TCF25: variants seen among roughly 807,000 people sequenced by gnomAD.
The protein encoded by TCF25 is ribosome quality control complex subunit TCF25.
A neutral mutation model predicts 83.1 loss-of-function variants in TCF25; 41 were observed. The ratio of observed to expected loss-of-function variants is 0.49; its 90% CI spans 0.38 to 0.64. The LOEUF (loss-of-function observed/expected upper bound fraction) is 0.64, where lower values mean the gene tolerates loss of function less well. TCF25 is among the 30% of genes least tolerant of loss of function. The pLI is 0.00. For missense variants in TCF25, 979 were observed against 914.5 expected, an observed-to-expected ratio of 1.07 and a Z score of -0.91; for synonymous variants, 458 against 365.0, an observed-to-expected ratio of 1.25 and a Z score of -2.90.
intron 7 of TCF25, 63 bp from the exon 8 acceptor site, chr16:89,894,975 C>A: frequency 6.8e-7 from 1 of 1,468,662 alleles, no homozygotes; most frequent in Non-Finnish European, 9.4e-7. Flanking sequence ...GAAAAAAAGG[C>A]ATGCCTGGGA....
At chr16:89,876,318 C>T (rs1345338986) in intron 1 of TCF25, among the ~76,000 whole-genome samples, 2 of 152,204 alleles carry the variant, frequency 1.3e-5, no homozygotes, top group Non-Finnish European at 1.5e-5. Context: ...TATTGGCATT[C>T]TGTTAAATAG....
Position 89,907,250 on chromosome 16 carries a change from C to T in TCF25, c.1727C>T (p.Thr576Ile), listed in dbSNP as rs1233047306. ...EAVAALPPDV[T>I]TQSVMGFDPL... ...TTATGTCCCTTTCTGAAGGACGTGA[C>T]CACGCAGTCTGTGATGGGGTTTGAT... is the stretch of plus-strand genomic sequence containing the variant. The change falls in exon 16 of 18, where the codon ACC (threonine) becomes ATC (isoleucine). Residue 576 changes from threonine (T) to isoleucine (I), a missense_variant. Physicochemically the swap from Thr to Ile is moderately conservative, Grantham distance 89 (BLOSUM62 -1). Transcript: ENST00000263346. 7.4e-6 allele frequency: 12 copies of T among 1,612,744 alleles called. No individual in the cohort carries two copies. The highest frequency in any genetic ancestry group is 1.0e-5 in the Non-Finnish European group (12 of 1,179,366).
Position 89,910,632 on chromosome 16 carries a change from TC to T in TCF25, c.1843del (p.Arg615GlyfsTer22). ...CATGGAAACACCATTGCTCTCTTCT[TC>T]CGGTCACTGTTGCCAAACTATACCA... ...ISHGNTIALF[F>X]RSLLPNYTME... On this transcript the variant is annotated frameshift_variant, in exon 17 of 18. Coordinates refer to ENST00000263346, the MANE Select transcript of TCF25 (RefSeq NM_014972.3). LOFTEE classifies it high-confidence loss of function. The T allele has an allele frequency of 6.2e-7, 1 of 1,613,702 alleles. No individual in the cohort carries two copies. The highest frequency in any genetic ancestry group is 8.5e-7 in the Non-Finnish European group (1 of 1,179,976).
At chr16:89,887,622 GT>G (rs749244446) in intron 4 of TCF25, 29 bp from the exon 5 acceptor site, 17 of 1,559,444 alleles carry the variant, frequency 1.1e-5, no homozygotes, top group African/African-American at 9.7e-5. Context: ...ATAATTTCAT[GT>G]TTTTTTTCTA....
In TCF25 at chr16:89,883,734, C is replaced by T. The variant is rs543345133; in HGVS notation, c.354+222C>T. 7.3e-6 allele frequency: 4 copies of T among 551,598 alleles called. No homozygotes were observed. The South Asian group carries it at 8.6e-5, about 12-fold the overall frequency. 34.2% of individuals were successfully genotyped at this position (551,598 alleles called of 1,614,324 possible). ...TCCTGCATCTCAGGAGAGTCTGCGC[C>T]TGCCCAGCAGTGTATGTAACCGCAC... On this transcript the variant is annotated intron_variant, in intron 2 of 17. Transcript: ENST00000263346.
intron 4 of TCF25, 28 bp downstream of exon 4, chr16:89,885,994 G>C (rs1476243470): frequency 1.9e-6 from 3 of 1,589,470 alleles, no homozygotes; most frequent in South Asian, 1.1e-5. Context: ...CTCTGCGGCT[G>C]CCCTTCTCTG....
intron 13 of TCF25, chr16:89,904,654 G>A (rs1309555185): frequency 1.1e-5 from 6 of 559,120 alleles, no homozygotes; most frequent in South Asian, 1.9e-5. Flanking sequence ...GCCCTCCAGG[G>A]CTCGCCCTGT....
chr16:89,906,248 C>T lies in TCF25; in HGVS notation c.1683C>T (p.Leu561=), dbSNP rs2044769984. The change falls in exon 15 of 18, where the codon CTC becomes CTT. Residue 561 remains leucine (L), a synonymous_variant. Coordinates refer to ENST00000263346, the MANE Select transcript of TCF25 (RefSeq NM_014972.3). ...APRNIHRHVI[L]SEIKEAVAAL... ...GGAATATCCACCGCCATGTGATCCT[C>T]TCTGAGATCAAGGAAGCCGTCGCTG... The T allele has an allele frequency of 7.4e-6, 12 of 1,613,418 alleles. No homozygotes were observed. In the East Asian group the frequency reaches 1.1e-4, roughly 15 times the overall value.
At chr16:89,902,789 AG>A (rs1343842239) in intron 12 of TCF25, among the ~76,000 whole-genome samples, 2 of 151,626 alleles carry the variant, frequency 1.3e-5, no homozygotes, top group African/African-American at 4.8e-5. Context: ...AGGGGCGGTG[AG>A]GGGTGAGGGT....
intron 13 of TCF25, 90 bp from the exon 14 acceptor site, chr16:89,904,845 ACCC>A (rs763285116): frequency 6.8e-7 from 1 of 1,466,304 alleles, no homozygotes; most frequent in East Asian, 2.5e-5. Flanking sequence ...CACTCCCTGG[ACCC>A]CCCGTCTGCC....
Position 89,910,985 on chromosome 16 carries a change from G to A in TCF25, c.1873-95G>A, listed in dbSNP as rs547890032. 3.7e-5 allele frequency: 56 copies of A among 1,531,288 alleles called. No individual in the cohort carries two copies. The African/African-American group carries it at 6.7e-4, about 18-fold the overall frequency. 94.9% of individuals were successfully genotyped at this position (1,531,288 alleles called of 1,614,324 possible). ...GTTCAGGGTCCGGTGCTGGGGCAAG[G>A]GCCACCTCGGGCTCCACAGTGCCTC... On this transcript the variant is annotated intron_variant, in intron 17 of 17. Transcript: ENST00000263346.
chr16:89,906,350 G>C, intron 15 of TCF25, 66 bp downstream of exon 15: 2 of 1,531,896 alleles, frequency 1.3e-6, no homozygotes, highest in Non-Finnish European at 1.8e-6. Flanking sequence ...CTTCTGCTCC[G>C]GGCGGTCCAC....
chr16:89,900,889 C>T, intron 12 of TCF25, 95 bp downstream of exon 12: 1 of 1,316,194 alleles, frequency 7.6e-7, no homozygotes, highest in Non-Finnish European at 1.0e-6. Flanking sequence ...CCCAGTCCTT[C>T]CCCACACTTG....
At chr16:89,886,143 A>C in intron 4 of TCF25, 177 bp downstream of exon 4, 1 of 644,250 alleles carries the variant, frequency 1.6e-6, no homozygotes. Flanking sequence ...ATATGAGTTT[A>C]TTGGCTGGGC....
chr16:89,887,092 G>T (rs1435472968), intron 4 of TCF25, among the ~76,000 whole-genome samples: 1 of 151,966 alleles, frequency 6.6e-6, no homozygotes. Context: ...GGAGTTCAGT[G>T]GTGTGATCAT....
intron 1 of TCF25, among the ~76,000 whole-genome samples, chr16:89,883,134 C>G (rs943354148): frequency 1.3e-5 from 2 of 151,560 alleles, no homozygotes; most frequent in African/African-American, 2.4e-5. Flanking sequence ...CTCGGGGCCC[C>G]GGCTTTCTGT....
chr16:89,896,148 G>A, intron 9 of TCF25, 65 bp downstream of exon 9: 6 of 1,508,562 alleles, frequency 4.0e-6, no homozygotes, highest in Non-Finnish European at 5.4e-6. Flanking sequence ...GAGGCTGGGG[G>A]AGGTGCAGTG....
chr16:89,895,701 G>T (rs140302217), intron 8 of TCF25, among the ~76,000 whole-genome samples: 1 of 152,358 alleles, frequency 6.6e-6, no homozygotes, highest in African/African-American at 2.4e-5. Context: ...GCAGTCTTAG[G>T]TGGACACATC....
chr16:89,904,356 G>A (rs1443051295), intron 13 of TCF25, 151 bp downstream of exon 13: 6 of 822,064 alleles, frequency 7.3e-6, no homozygotes, highest in South Asian at 1.7e-5. Context: ...TTTGACATGG[G>A]ACGGCTCTGG....
Sources: gnomAD v4.1 joint callset for allele counts (sites outside exome capture counted in the v4.1 genomes callset) on GRCh38, gnomAD v4.1.1 for gene constraint, MANE v1.5 for transcripts, NCBI Gene and HGNC (gene_info 2026-07-23, HGNC 2026-07-21) for gene names.